Variants in SIAE observed in about 807,000 individuals in gnomAD.
SIAE encodes sialic acid acetylesterase.
In SIAE, 39 loss-of-function variants were observed where a neutral mutation model predicts 52.6. That is an observed-to-expected ratio of 0.74 (90% CI 0.57 to 0.97). SIAE has a LOEUF of 0.97. Ranked by LOEUF, SIAE falls within the 50% of genes least tolerant of loss-of-function variation. The probability of loss-of-function intolerance (pLI) is 0.00; values close to 1 mark genes in which losing one functional copy is unlikely to be tolerated. For synonymous variants in SIAE, 233 were observed against 241.4 expected, an observed-to-expected ratio of 0.97 and a Z score of 0.32; for missense variants, 592 against 662.1, an observed-to-expected ratio of 0.89 and a Z score of 1.16.
At chr11:124,662,403 G>T (rs573280682) in intron 2 of SIAE, among the ~76,000 whole-genome samples, 28 of 152,254 alleles carry the variant, frequency 1.8e-4, no homozygotes, top group African/African-American at 6.5e-4. Flanking sequence ...CTGTCCTTCT[G>T]CCACCAACGT....
In SIAE at chr11:124,665,036, T is replaced by A. The variant is rs1385322024; in HGVS notation, c.230-4233A>T. 3.3e-5 allele frequency among the ~76,000 whole-genome samples: 5 copies of A among 152,178 alleles called. No individual in the cohort carries two copies. In the East Asian group the frequency reaches 9.6e-4, roughly 29 times the overall value. On this transcript the variant is annotated intron_variant, in intron 2 of 9. Transcript: ENST00000263593. ...TGTAACCTGAAGTTCATCTCCACCA[T>A]CAAATATGAATGCAAAGGAAAAATA...
intron 4 of SIAE, chr11:124,654,210 A>C: frequency 3.0e-6 from 3 of 984,684 alleles, no homozygotes; most frequent in Non-Finnish European, 3.6e-6. Flanking sequence ...AGAAATGGAG[A>C]GCTCATGCTG....
At chr11:124,668,930 C>T (rs1384716759) in intron 2 of SIAE, among the ~76,000 whole-genome samples, 1 of 152,156 alleles carries the variant, frequency 6.6e-6, no homozygotes, top group Non-Finnish European at 1.5e-5. Context: ...GGTTGTTGGG[C>T]AAGGACTACC....
Position 124,641,026 on chromosome 11 carries a change from G to A in SIAE, c.967-1159C>T, listed in dbSNP as rs143832645. Among the ~76,000 whole-genome samples the A allele has an allele frequency of 5.9e-3, 893 of 152,258 alleles. 11 individuals carry two copies. Among genetic ancestry groups the A allele is most frequent in the African/African-American group, 0.02 (842 of 41,536 alleles). Reference sequence around the variant, plus strand: ...TATATAAGAAAGGCTATTTTAGGCCGGGGGTTTTGAGGTAGTTTGTTACAC... The same window carrying A: ...TATATAAGAAAGGCTATTTTAGGCCAGGGGTTTTGAGGTAGTTTGTTACAC... On this transcript the variant is annotated intron_variant, in intron 7 of 9. Transcript: ENST00000263593.
At chr11:124,639,936 ACT>A (rs1942817798) in intron 7 of SIAE, 69 bp from the exon 8 acceptor site, 1 of 1,553,942 alleles carries the variant, frequency 6.4e-7, no homozygotes, top group Admixed American at 1.7e-5. Flanking sequence ...TCACTGGCAG[ACT>A]CTGCTTCTGC....
At chr11:124,674,310 G>T, upstream of SIAE, 1 of 152,446 alleles carries the variant, frequency 6.6e-6, no homozygotes, top group East Asian at 1.9e-4. Context: ...GGCTGAGGCG[G>T]GATCATCGCT....
rs1248800652 is a variant in SIAE at position 124,671,864 on chromosome 11, C to T, written c.67+1778G>A. On this transcript the variant is annotated intron_variant, in intron 1 of 9. Transcript: ENST00000263593. ...GCAACCTCCGCCTCTGGGGTTCAAGCGGTTCTCCTGCCTCAGCCTCCCGAG... is the reference window on the plus strand; with the variant it reads ...GCAACCTCCGCCTCTGGGGTTCAAGTGGTTCTCCTGCCTCAGCCTCCCGAG... 2.0e-5 allele frequency among the ~76,000 whole-genome samples: 3 copies of T among 151,864 alleles called. No individual in the cohort carries two copies. In the East Asian group the frequency reaches 5.8e-4, roughly 29 times the overall value.
chr11:124,654,521 A>T, intron 4 of SIAE, 134 bp downstream of exon 4: 1 of 1,589,718 alleles, frequency 6.3e-7, no homozygotes, highest in Non-Finnish European at 8.5e-7. Context: ...AGGAAGGATG[A>T]AGAGTCAATA....
chr11:124,652,381 T>C (rs1943029386), intron 4 of SIAE, among the ~76,000 whole-genome samples: 1 of 151,654 alleles, frequency 6.6e-6, no homozygotes, highest in Non-Finnish European at 1.5e-5. Context: ...CCAGCAGCAG[T>C]GATGTGATGA....
At chr11:124,672,085 G>A (rs1943369561) in intron 1 of SIAE, among the ~76,000 whole-genome samples, 1 of 151,400 alleles carries the variant, frequency 6.6e-6, no homozygotes, top group African/African-American at 2.4e-5. Flanking sequence ...CAATTTTTTT[G>A]TATTTTTAGT....
chr11:124,635,851 A>G lies in SIAE; in HGVS notation c.*1100T>C, dbSNP rs1312834161. Reference sequence around the variant, plus strand: ...TTCTTATAGGTAACATAATTTTCAGACAATGTTAGCTGTTTTTAATCCATC... The same window carrying G: ...TTCTTATAGGTAACATAATTTTCAGGCAATGTTAGCTGTTTTTAATCCATC... On this transcript the variant is annotated 3_prime_UTR_variant, in exon 10 of 10. Transcript: ENST00000263593. 6.6e-6 allele frequency: 1 copy of G among 151,742 alleles called. No individual in the cohort carries two copies. Among genetic ancestry groups the G allele is most frequent in the East Asian group, 1.9e-4 (1 of 5,194 alleles). The allele number at this position is 151,742 out of a possible 1,614,324, so 9.4% of individuals were successfully genotyped here. A position where few individuals can be genotyped will look rare whatever the true frequency, so the allele number is the denominator to read the frequency against.
At chr11:124,647,541 C>CA in intron 6 of SIAE, 43 bp from the exon 7 acceptor site, 1 of 1,609,922 alleles carries the variant, frequency 6.2e-7, no homozygotes, top group South Asian at 1.1e-5. Context: ...GAGTAGACTG[C>CA]AAAAATGACC....
rs1200299552 is a variant in SIAE at position 124,639,582 on chromosome 11, A to G, written c.1124+128T>C. On this transcript the variant is annotated intron_variant, in intron 8 of 9. Transcript: ENST00000263593. ...TGAGGGTGTTTGCTGTTGTTACTGC[A>G]GCACACCCCAGCATACGTGACTCTT... 24 of 1,152,392 alleles carry G rather than the reference A, an allele frequency of 2.1e-5. No homozygotes were observed. The Admixed American group carries it at 3.7e-4, about 18-fold the overall frequency. 71.4% of individuals were successfully genotyped at this position (1,152,392 alleles called of 1,614,324 possible). A position where few individuals can be genotyped will look rare whatever the true frequency, so the allele number is the denominator to read the frequency against.
At chr11:124,647,869 G>GC (rs1245220507) in intron 6 of SIAE, among the ~76,000 whole-genome samples, 197 bp downstream of exon 6, 1 of 152,148 alleles carries the variant, frequency 6.6e-6, no homozygotes, top group African/African-American at 2.4e-5. Context: ...CTGCCAGGTG[G>GC]CCAAAGACAC....
rs555790352 is a variant in SIAE, at chr11:124,670,390, T to C, written c.68-869A>G. On this transcript the variant is annotated intron_variant, in intron 1 of 9. Coordinates refer to ENST00000263593, the MANE Select transcript of SIAE (RefSeq NM_170601.5). The surrounding 1 kb of genome is among the most constrained non-coding windows in gnomAD (Gnocchi z 4.5). ...TCCTATTTTTAACATCCAGCCTATATAAAAGTATTTTATTAATACAAACAT... is the reference window on the plus strand; with the variant it reads ...TCCTATTTTTAACATCCAGCCTATACAAAAGTATTTTATTAATACAAACAT... Among the ~76,000 whole-genome samples the C allele has an allele frequency of 3.9e-5, 6 of 152,298 alleles. No individual in the cohort carries two copies. The South Asian group carries it at 8.3e-4, about 21-fold the overall frequency.
chr11:124,648,921 C>A (rs964989980), intron 5 of SIAE, among the ~76,000 whole-genome samples: 1 of 152,212 alleles, frequency 6.6e-6, no homozygotes, highest in Non-Finnish European at 1.5e-5. Flanking sequence ...CCATCCTCCT[C>A]CCACAGGGCT....
chr11:124,643,665 A>C lies in SIAE; in HGVS notation c.966+3700T>G, dbSNP rs578251041. On this transcript the variant is annotated intron_variant, in intron 7 of 9. Coordinates refer to ENST00000263593, the MANE Select transcript of SIAE (RefSeq NM_170601.5). ...AAAATCTTTACTATTACTATGACACAGGCAGTCCAGCTATTTCTTCCTTCT... is the reference window on the plus strand; with the variant it reads ...AAAATCTTTACTATTACTATGACACCGGCAGTCCAGCTATTTCTTCCTTCT... Among the ~76,000 whole-genome samples, 17 of 152,324 alleles carry C rather than the reference A, an allele frequency of 1.1e-4. No individual in the cohort carries two copies. The East Asian group carries it at 2.7e-3, about 24-fold the overall frequency.
chr11:124,638,607 C>T lies in SIAE; in HGVS notation c.1255G>A (p.Gly419Arg), dbSNP rs1388853983. ...TGGTAATATGTGAGATTGAGCAGCC[C>T]CTTGTGAGCCAAGAGTTCTATCTTC... is the stretch of plus-strand genomic sequence containing the variant. The part of the protein sequence containing the change: ...PEKIELLAHK[G>R]LLNLTYYQQI... The change falls in exon 9 of 10, where the codon GGG becomes AGG. Residue 419 changes from glycine (G) to arginine (R), a missense_variant. Gly to Arg is a moderately radical substitution (Grantham distance 125, BLOSUM62 -2). Transcript: ENST00000263593. The T allele has an allele frequency of 6.2e-7, 1 of 1,614,070 alleles. No homozygotes were observed. Among genetic ancestry groups the T allele is most frequent in the Non-Finnish European group, 8.5e-7 (1 of 1,180,002 alleles).
Position 124,650,728 on chromosome 11 carries a change from G to A in SIAE, c.545-932C>T, listed in dbSNP as rs545257829. Among the ~76,000 whole-genome samples the A allele has an allele frequency of 3.9e-5, 6 of 152,132 alleles. No individual in the cohort carries two copies. In the East Asian group the frequency reaches 7.7e-4, roughly 20 times the overall value. On this transcript the variant is annotated intron_variant, in intron 4 of 9. Coordinates refer to ENST00000263593, the MANE Select transcript of SIAE (RefSeq NM_170601.5). Reference sequence around the variant, plus strand: ...GCATAGGTTGCAGTGAGCTGAGATCGTGCCATTGCACACCAGCCTGGGCAA... The same window carrying A: ...GCATAGGTTGCAGTGAGCTGAGATCATGCCATTGCACACCAGCCTGGGCAA...
Sources: gnomAD v4.1 joint callset for allele counts (sites outside exome capture counted in the v4.1 genomes callset) on GRCh38, gnomAD v4.1.1 for gene constraint, Gnocchi (gnomAD v3.1) non-coding constraint, MANE v1.5 for transcripts, NCBI Gene and HGNC (gene_info 2026-07-23, HGNC 2026-07-21) for gene names.